Variants in ADAMTS19 observed in about 807,000 individuals in gnomAD.
ADAMTS19 encodes the protein A disintegrin and metalloproteinase with thrombospondin motifs 19.
Under a neutral mutation model 153.3 loss-of-function variants are expected in ADAMTS19, and 93 were observed. That is an observed-to-expected ratio of 0.61 (90% CI 0.51 to 0.72). ADAMTS19 has a LOEUF of 0.72. Ranked by LOEUF, ADAMTS19 falls within the 30% of genes least tolerant of loss-of-function variation. The pLI is 0.00. For missense variants in ADAMTS19, 1,482 were observed against 1,552.1 expected (o/e 0.95, Z 0.76); for synonymous variants, 600 against 556.6 (o/e 1.08, Z -1.10).
intron 15 of ADAMTS19, among the ~76,000 whole-genome samples, chr5:129,659,208 T>G (rs1049125072): frequency 5.3e-5 from 8 of 151,578 alleles, no homozygotes; most frequent in African/African-American, 1.9e-4. Flanking sequence ...CATTGTAGCA[T>G]ACAACCAAGA....
chr5:129,481,554 G>C (rs1427405365), intron 2 of ADAMTS19, among the ~76,000 whole-genome samples: 2 of 152,100 alleles, frequency 1.3e-5, no homozygotes, highest in Non-Finnish European at 2.9e-5. Context: ...TGGAGGTACA[G>C]GTATAGTCTG....
At chr5:129,582,969 T>A (rs1749597678) in intron 7 of ADAMTS19, among the ~76,000 whole-genome samples, 1 of 152,146 alleles carries the variant, frequency 6.6e-6, no homozygotes, top group African/African-American at 2.4e-5. Flanking sequence ...TAGTTGGTTA[T>A]TTTGCCCGTT....
chr5:129,678,243 T>C (rs536319254), intron 16 of ADAMTS19, among the ~76,000 whole-genome samples: 1 of 152,332 alleles, frequency 6.6e-6, no homozygotes, highest in Non-Finnish European at 1.5e-5. Context: ...CTCCTGGTCC[T>C]GGTCAAGCTG....
At chr5:129,570,299 G>T (rs779507447) in intron 7 of ADAMTS19, among the ~76,000 whole-genome samples, 49 of 151,508 alleles carry the variant, frequency 3.2e-4, no homozygotes, top group Non-Finnish European at 5.9e-4. Flanking sequence ...AATAAAAATA[G>T]CTCTGTGAGC....
chr5:129,655,119 C>A (rs1753488188), intron 14 of ADAMTS19, among the ~76,000 whole-genome samples: 1 of 152,096 alleles, frequency 6.6e-6, no homozygotes, highest in Admixed American at 6.6e-5. Flanking sequence ...AAGTTTAATG[C>A]CAAGTGTTTT....
chr5:129,730,949 TTTTG>T (rs1757418352), intron 21 of ADAMTS19, among the ~76,000 whole-genome samples: 3 of 151,354 alleles, frequency 2.0e-5, no homozygotes, highest in Non-Finnish European at 4.4e-5. Flanking sequence ...TTTTGTTTTG[TTTTG>T]TTTTGTTTTG....
At position 129,461,115 on chromosome 5, in the gene ADAMTS19, C is replaced by T. The variant is rs1241206490; in HGVS notation, c.105C>T (p.Ala35=). The T allele has an allele frequency of 7.0e-7, 1 of 1,419,100 alleles. No individual in the cohort carries two copies. Among genetic ancestry groups the T allele is most frequent in the Admixed American group, 2.7e-5 (1 of 36,604 alleles). 87.9% of individuals were successfully genotyped at this position (1,419,100 alleles called of 1,614,324 possible). ...CCCCGCCCGCAGAGCTGCAGTTCGC[C>T]CCCGACCGCGAGGAGTGGGAAGTCG... ...SNGIVSELQF[A]PDREEWEVVF... Residue 35 remains alanine (A), a synonymous_variant, in exon 2 of 23, where the codon GCC becomes GCT. Coordinates refer to ENST00000274487, the MANE Select transcript of ADAMTS19 (RefSeq NM_133638.6). This position sits in a 1 kb window ranked among gnomAD's most constrained non-coding sequence, Gnocchi z 4.6.
At chr5:129,548,790 C>G (rs1032729904) in intron 6 of ADAMTS19, among the ~76,000 whole-genome samples, 1 of 151,524 alleles carries the variant, frequency 6.6e-6, no homozygotes, top group Non-Finnish European at 1.5e-5. Flanking sequence ...TGTCCAACAA[C>G]GATAGACTGG....
At chr5:129,485,544 T>C (rs1360181440) in intron 2 of ADAMTS19, among the ~76,000 whole-genome samples, 1 of 151,868 alleles carries the variant, frequency 6.6e-6, no homozygotes, top group Admixed American at 6.6e-5. Context: ...TAATGAACAA[T>C]AAAACTGATA....
At chr5:129,590,536 C>A (rs1170675409) in intron 7 of ADAMTS19, among the ~76,000 whole-genome samples, 1 of 152,124 alleles carries the variant, frequency 6.6e-6, no homozygotes, top group African/African-American at 2.4e-5. Flanking sequence ...ATAAAAACTG[C>A]ACGTTAAGAG....
chr5:129,580,574 A>T (rs1749464532), intron 7 of ADAMTS19, among the ~76,000 whole-genome samples: 2 of 152,212 alleles, frequency 1.3e-5, no homozygotes, highest in Middle Eastern at 3.4e-3. Context: ...TGGGTTTTTC[A>T]CAAATAGCTC....
intron 12 of ADAMTS19, 146 bp downstream of exon 12, chr5:129,648,041 T>A: frequency 1.2e-6 from 1 of 866,058 alleles, no homozygotes; most frequent in Non-Finnish European, 1.6e-6. Context: ...ATTATTTATT[T>A]TATATAAAAA....
intron 10 of ADAMTS19, among the ~76,000 whole-genome samples, chr5:129,640,286 A>T (rs958818516): frequency 7.9e-5 from 12 of 152,180 alleles, no homozygotes; most frequent in African/African-American, 2.9e-4. Context: ...GTTGTTAAAA[A>T]AAGCTTACAA....
intron 1 of ADAMTS19, chr5:129,460,820 G>A: frequency 2.1e-6 from 1 of 473,602 alleles, no homozygotes; most frequent in South Asian, 3.8e-5. Flanking sequence ...TACTCGTGCT[G>A]GAGTCTTTGC....
chr5:129,550,050 CTGTATA>C (rs1198342794), intron 6 of ADAMTS19, among the ~76,000 whole-genome samples: 18 of 37,476 alleles, frequency 4.8e-4, no homozygotes, highest in African/African-American at 1.5e-3. Flanking sequence ...ATACATGTAT[CTGTATA>C]TGTATGTATC....
intron 3 of ADAMTS19, 37 bp from the exon 4 acceptor site, chr5:129,526,247 A>G: frequency 6.6e-7 from 1 of 1,509,752 alleles, no homozygotes; most frequent in South Asian, 1.3e-5. Flanking sequence ...CTTTGCCAAT[A>G]TGAAGGTGCA....
chr5:129,658,888 G>A, intron 15 of ADAMTS19, 151 bp downstream of exon 15: 1 of 839,694 alleles, frequency 1.2e-6, no homozygotes, highest in Middle Eastern at 3.9e-4. Flanking sequence ...TACAATACAT[G>A]TGATATGAGC....
rs1749677364 is a variant in ADAMTS19 at position 129,461,714 on chromosome 5, A to G, written c.704A>G (p.His235Arg). 1 of 1,516,148 alleles carries G rather than the reference A, an allele frequency of 6.6e-7. No individual in the cohort carries two copies. The highest frequency in any genetic ancestry group is 1.2e-5 in the South Asian group (1 of 80,422). The allele number at this position is 1,516,148 out of a possible 1,614,324, so 93.9% of individuals were successfully genotyped here. ...GCFYTGAVLR[H>R]PGSLASFSTC... ...TTCTACACCGGAGCTGTGCTGCGGC[A>G]CCCTGGCTCGCTGGCTTCTTTCAGC... Residue 235 changes from histidine (H) to arginine (R), a missense_variant, in exon 2 of 23, where the codon CAC becomes CGC. Physicochemically the swap from His to Arg is conservative, Grantham distance 29. Transcript: ENST00000274487. The surrounding 1 kb of genome is among the most constrained non-coding windows in gnomAD (Gnocchi z 4.6).
chr5:129,674,675 A>G (rs2127103904), intron 16 of ADAMTS19, among the ~76,000 whole-genome samples: 1 of 151,786 alleles, frequency 6.6e-6, no homozygotes, highest in South Asian at 2.1e-4. Context: ...AAAACAGTAT[A>G]CTCCTCTTTT....
Sources: allele counts gnomAD v4.1 joint callset (sites outside exome capture counted in the v4.1 genomes callset), GRCh38; gene constraint gnomAD v4.1.1; non-coding constraint Gnocchi (gnomAD v3.1); transcripts MANE v1.5; gene names NCBI Gene and HGNC (gene_info 2026-07-23, HGNC 2026-07-21).